MLLT10: variants seen among roughly 807,000 people sequenced by gnomAD.
The protein encoded by MLLT10 is protein AF-10.
A neutral mutation model predicts 129.1 loss-of-function variants in MLLT10; 30 were observed. That is an observed-to-expected ratio of 0.23 (90% CI 0.17 to 0.32). MLLT10 has a LOEUF of 0.32. MLLT10 is among the 10% of genes least tolerant of loss of function. The probability of loss-of-function intolerance (pLI) is 1.00; values close to 1 mark genes in which losing one functional copy is unlikely to be tolerated. For synonymous variants in MLLT10, 490 were observed against 446.4 expected, an observed-to-expected ratio of 1.10 and a Z score of -1.23; for missense variants, 1,119 against 1,268.3, an observed-to-expected ratio of 0.88 and a Z score of 1.79.
At chr10:21,704,006 A>ATTGTTTT (rs1365861185) in intron 13 of MLLT10, among the ~76,000 whole-genome samples, 10 of 67,880 alleles carry the variant, frequency 1.5e-4, no homozygotes, top group South Asian at 1.1e-3. Flanking sequence ...TTGGATTTCG[A>ATTGTTTT]TTGTTTTTTG....
chr10:21,734,279 AT>A, intron 20 of MLLT10, 150 bp downstream of exon 20: 1 of 781,188 alleles, frequency 1.3e-6, no homozygotes, highest in Non-Finnish European at 1.9e-6. Flanking sequence ...GAGTACATTT[AT>A]TTTTGAAACT....
chr10:21,668,579 TA>T (rs373502468), intron 9 of MLLT10, among the ~76,000 whole-genome samples: 16 of 152,266 alleles, frequency 1.1e-4, no homozygotes, highest in African/African-American at 3.8e-4. Flanking sequence ...TTTGGACATT[TA>T]AAAAATGTTC....
intron 13 of MLLT10, among the ~76,000 whole-genome samples, chr10:21,704,027 T>G (rs1225276074): frequency 5.8e-5 from 8 of 137,586 alleles, no homozygotes; most frequent in Admixed American, 2.2e-4. Context: ...TTTTTTTTTT[T>G]TTTTTTTTTT....
chr10:21,673,525 G>A lies in MLLT10; in HGVS notation c.1227G>A (p.Gly409=), dbSNP rs376844786. The change falls in exon 11 of 23, where the codon GGG becomes GGA. Residue 409 remains glycine (G), a synonymous_variant. Transcript: ENST00000307729. ...VHKGESGSQE[G]GVNSFSTLIG... is the part of the protein sequence containing the mutation. ...AAGGAGAGTCTGGAAGCCAGGAAGG[G>A]GGGGTAAATAGTTTTAGTACCTTAA... is the stretch of plus-strand genomic sequence containing the variant. 3.1e-6 allele frequency: 5 copies of A among 1,613,606 alleles called. No individual in the cohort carries two copies. Among genetic ancestry groups the A allele is most frequent in the South Asian group, 1.1e-5 (1 of 91,012 alleles).
chr10:21,693,174 G>GA (rs1201321864), intron 13 of MLLT10, among the ~76,000 whole-genome samples: 11 of 151,978 alleles, frequency 7.2e-5, no homozygotes, highest in East Asian at 1.9e-4. Context: ...TGTTTATAGA[G>GA]AAAAAATCAC....
chr10:21,577,346 A>G (rs777692824), intron 3 of MLLT10, among the ~76,000 whole-genome samples: 2 of 152,058 alleles, frequency 1.3e-5, no homozygotes, highest in Admixed American at 6.6e-5. Context: ...AAATCCAGAC[A>G]TTTGTTTTGA....
intron 8 of MLLT10, among the ~76,000 whole-genome samples, chr10:21,638,715 A>G (rs1348474613): frequency 6.6e-6 from 1 of 152,154 alleles, no homozygotes; most frequent in Non-Finnish European, 1.5e-5. Flanking sequence ...TTGGATGACT[A>G]CATGTGGCCA....
intron 8 of MLLT10, among the ~76,000 whole-genome samples, chr10:21,636,343 G>C (rs2047455573): frequency 6.6e-6 from 1 of 152,048 alleles, no homozygotes; most frequent in Non-Finnish European, 1.5e-5. Context: ...GGCTGGTCTT[G>C]AGCTCCTGGG....
intron 3 of MLLT10, among the ~76,000 whole-genome samples, chr10:21,584,423 A>C (rs780560220): frequency 6.6e-6 from 1 of 151,960 alleles, no homozygotes; most frequent in Non-Finnish European, 1.5e-5. Context: ...TTGGCCTCCC[A>C]AAGTGCTGGG....
intron 8 of MLLT10, chr10:21,624,889 A>T: frequency 8.3e-7 from 1 of 1,209,250 alleles, no homozygotes; most frequent in Non-Finnish European, 1.2e-6. Flanking sequence ...GGTGGTCCCA[A>T]AGGTGCCCCC....
rs2131515723 is a variant in MLLT10, at chr10:21,713,752, T to C, written c.1700-20T>C. On this transcript the variant is annotated intron_variant, in intron 13 of 22. Transcript: ENST00000307729. ...ATTTGACTGCTAAGTTATATTTAAA[T>C]AACATTTGTTTTTTTGCAGGTATTT... 1.9e-6 allele frequency: 3 copies of C among 1,598,222 alleles called. No homozygotes were observed. The highest frequency in any genetic ancestry group is 3.5e-4 in the Middle Eastern group (2 of 5,732).
chr10:21,736,995 TAGGGGCAA>T (rs2131588595), intron 21 of MLLT10, among the ~76,000 whole-genome samples: 1 of 152,204 alleles, frequency 6.6e-6, no homozygotes, highest in African/African-American at 2.4e-5. Flanking sequence ...TGTGGCATCT[TAGGGGCAA>T]GGTGAAGGAA....
intron 11 of MLLT10, among the ~76,000 whole-genome samples, chr10:21,675,867 T>C (rs1290135390): frequency 1.3e-5 from 2 of 152,204 alleles, no homozygotes; most frequent in Non-Finnish European, 1.5e-5. Context: ...AATTAAGATA[T>C]TGATTTACAT....
chr10:21,732,854 ATG>A (rs750686587), intron 17 of MLLT10, 43 bp from the exon 18 acceptor site: 3 of 1,524,978 alleles, frequency 2.0e-6, no homozygotes, highest in Non-Finnish European at 2.7e-6. Context: ...ACTTAGTCTT[ATG>A]TGTGTACTTG....
intron 8 of MLLT10, among the ~76,000 whole-genome samples, chr10:21,648,197 G>A (rs1483663298): frequency 6.6e-6 from 1 of 152,068 alleles, no homozygotes; most frequent in Admixed American, 6.5e-5. Flanking sequence ...TGTTTTTAGT[G>A]ACAGTCATTA....
chr10:21,592,130 A>G (rs536038131), intron 4 of MLLT10, among the ~76,000 whole-genome samples: 1 of 152,304 alleles, frequency 6.6e-6, no homozygotes, highest in South Asian at 2.1e-4. Flanking sequence ...TACATTCACA[A>G]ACCCTACCAG....
At chr10:21,736,409 C>T (rs530262966) in intron 21 of MLLT10, among the ~76,000 whole-genome samples, 8 of 152,276 alleles carry the variant, frequency 5.3e-5, no homozygotes, top group South Asian at 2.1e-4. Flanking sequence ...CTCAGCCTCC[C>T]GAGTAGCTGG....
intron 9 of MLLT10, among the ~76,000 whole-genome samples, chr10:21,666,156 T>C (rs1252639554): frequency 6.6e-6 from 1 of 152,208 alleles, no homozygotes; most frequent in Non-Finnish European, 1.5e-5. Flanking sequence ...TATATTGTAT[T>C]GTTTGATTTA....
intron 21 of MLLT10, among the ~76,000 whole-genome samples, chr10:21,739,542 C>T (rs2058660476): frequency 6.6e-6 from 1 of 152,164 alleles, no homozygotes; most frequent in South Asian, 2.1e-4. Flanking sequence ...TTTCCCTGCT[C>T]AATGTGTTTC....
Sources: allele counts gnomAD v4.1 joint callset (sites outside exome capture counted in the v4.1 genomes callset), GRCh38; gene constraint gnomAD v4.1.1; transcripts MANE v1.5; gene names NCBI Gene and HGNC (gene_info 2026-07-23, HGNC 2026-07-21).